ITPRID1: variants seen among roughly 807,000 people sequenced by gnomAD.
The protein encoded by ITPRID1 is protein ITPRID1.
Under a neutral mutation model 95.4 loss-of-function variants are expected in ITPRID1, and 96 were observed. The ratio of observed to expected loss-of-function variants is 1.01; its 90% CI spans 0.85 to 1.19. The LOEUF is 1.19. Ranked by LOEUF, ITPRID1 falls within the 50% of genes most tolerant of loss-of-function variation. ITPRID1 has a pLI of 0.00. For synonymous variants in ITPRID1, 510 were observed against 453.6 expected (o/e 1.12, Z -1.58); for missense variants, 1,339 against 1,252.9 (o/e 1.07, Z -1.04).
chr7:31,516,283 T>G (rs1783038241), intron 1 of ITPRID1, among the ~76,000 whole-genome samples: 1 of 152,202 alleles, frequency 6.6e-6, no homozygotes, highest in Non-Finnish European at 1.5e-5. Flanking sequence ...TGCATGTGTA[T>G]GTATGTATGT....
intron 10 of ITPRID1, among the ~76,000 whole-genome samples, chr7:31,615,693 C>T (rs1787138495): frequency 6.9e-6 from 1 of 143,988 alleles, no homozygotes; most frequent in African/African-American, 2.6e-5. Context: ...TTACTAATAA[C>T]ATACTAAGTG....
chr7:31,617,669 A>ATACTC (rs1389504690), intron 10 of ITPRID1, among the ~76,000 whole-genome samples: 3 of 151,954 alleles, frequency 2.0e-5, no homozygotes, highest in African/African-American at 7.2e-5. Context: ...AAAACCCACG[A>ATACTC]TACTCTTGTC....
chr7:31,642,866 T>G lies in ITPRID1; in HGVS notation c.1496T>G (p.Val499Gly). ...EANALEQRAS[V>G]SVMEEEFLLE... ...AATGCCTTGGAACAAAGGGCCTCAG[T>G]ATCTGTGATGGAGGAAGAGTTTCTG... Residue 499 changes from valine (V) to glycine (G), a missense_variant, in exon 12 of 15, where the codon GTA becomes GGA. Transcript: ENST00000615280. 1 of 1,614,032 alleles carries G rather than the reference T, an allele frequency of 6.2e-7. No homozygotes were observed. Among genetic ancestry groups the G allele is most frequent in the Non-Finnish European group, 8.5e-7 (1 of 1,179,898 alleles).
At chr7:31,540,790 T>C (rs143474862) in intron 1 of ITPRID1, among the ~76,000 whole-genome samples, 2 of 152,196 alleles carry the variant, frequency 1.3e-5, no homozygotes, top group South Asian at 2.1e-4. Context: ...CAAGATAACT[T>C]TGGGTTCCCG....
rs2128221332 is a variant in ITPRID1 at position 31,652,936 on chromosome 7, A to G, written c.*107A>G. On this transcript the variant is annotated 3_prime_UTR_variant, in exon 15 of 15. Coordinates refer to ENST00000615280, the MANE Select transcript of ITPRID1 (RefSeq NM_001257967.3). ...GAGAAGGGTCTGCCAACCCATTGTC[A>G]GCTATATCTCTCATATTCTACCCTT... is the stretch of plus-strand genomic sequence containing the variant. 1.3e-6 allele frequency: 2 copies of G among 1,511,512 alleles called. No homozygotes were observed. Among genetic ancestry groups the G allele is most frequent in the Middle Eastern group, 1.9e-4 (1 of 5,284 alleles). 93.6% of individuals were successfully genotyped at this position (1,511,512 alleles called of 1,614,324 possible).
rs1249893613 is a variant in ITPRID1 at position 31,654,861 on chromosome 7, A to G, written c.*2032A>G. On this transcript the variant is annotated 3_prime_UTR_variant, in exon 15 of 15. Coordinates refer to ENST00000615280, the MANE Select transcript of ITPRID1 (RefSeq NM_001257967.3). Reference sequence around the variant, plus strand: ...TTGAAACCACCCACTACTCAAAACCATCTCACATCTTGCTTGCACTCTTCC... The same window carrying G: ...TTGAAACCACCCACTACTCAAAACCGTCTCACATCTTGCTTGCACTCTTCC... Among the ~76,000 whole-genome samples, 1 of 152,140 alleles carries G rather than the reference A, an allele frequency of 6.6e-6. No individual in the cohort carries two copies. The highest frequency in any genetic ancestry group is 1.9e-4 in the East Asian group (1 of 5,188).
At chr7:31,548,533 G>A (rs1003695029) in intron 1 of ITPRID1, among the ~76,000 whole-genome samples, 2 of 152,180 alleles carry the variant, frequency 1.3e-5, no homozygotes, top group African/African-American at 2.4e-5. Flanking sequence ...ATTCAGTGAA[G>A]AGGTTAGAAT....
rs959919120 is a variant in ITPRID1, at chr7:31,641,963, T to A, written c.1229-213T>A. 2.7e-4 allele frequency among the ~76,000 whole-genome samples: 41 copies of A among 152,182 alleles called. 1 individual carries two copies. The highest frequency in any genetic ancestry group is 3.4e-4 in the Non-Finnish European group (23 of 68,028). On this transcript the variant is annotated intron_variant, in intron 10 of 14. Coordinates refer to ENST00000615280, the MANE Select transcript of ITPRID1 (RefSeq NM_001257967.3). ...TCTCTTCCTTCGTTTCAGGTTTTAT[T>A]CTTTGTATCAGGAAACCAGTGATGC...
intron 10 of ITPRID1, among the ~76,000 whole-genome samples, chr7:31,631,175 G>A (rs556441959): frequency 7.1e-4 from 108 of 152,128 alleles, no homozygotes; most frequent in African/African-American, 2.3e-3. Flanking sequence ...TCCAAACTGC[G>A]GAAGAGCAGA....
At chr7:31,639,429 A>G (rs1257963998) in intron 10 of ITPRID1, among the ~76,000 whole-genome samples, 2 of 52,210 alleles carry the variant, frequency 3.8e-5, no homozygotes, top group East Asian at 6.3e-4. Flanking sequence ...CTAGACATTC[A>G]ATTTGGGTTT....
chr7:31,658,507 A>T (rs188142862), downstream of ITPRID1: 139 of 898,948 alleles, frequency 1.5e-4, 1 homozygote, highest in East Asian at 3.4e-3. Context: ...GAGAAGAAAA[A>T]GTTTTAGAGT....
At chr7:31,572,259 A>G (rs1785019331) in intron 7 of ITPRID1, 71 bp downstream of exon 7, 1 of 946,632 alleles carries the variant, frequency 1.1e-6, no homozygotes, top group Non-Finnish European at 1.6e-6. Flanking sequence ...TGAAATTATA[A>G]ATAGGCACTT....
chr7:31,547,510 C>T (rs1784138154), intron 1 of ITPRID1, among the ~76,000 whole-genome samples: 2 of 144,262 alleles, frequency 1.4e-5, no homozygotes, highest in African/African-American at 2.5e-5. Context: ...CACTCACTAT[C>T]ACAAGAACAG....
chr7:31,628,968 G>C (rs1314356537), intron 10 of ITPRID1, among the ~76,000 whole-genome samples: 1 of 152,084 alleles, frequency 6.6e-6, no homozygotes, highest in East Asian at 1.9e-4. Context: ...ATTTGGACTG[G>C]TTATCACTAG....
Position 31,642,795 on chromosome 7 carries a change from A to G in ITPRID1, c.1425A>G (p.Pro475=). 1 of 1,614,036 alleles carries G rather than the reference A, an allele frequency of 6.2e-7. No homozygotes were observed. ...ACTGTCAGCTAGAGTCGGATGGGCC[A>G]GATTCCAAAAGTAGGGCGAGCATGT... ...SQDCQLESDG[P]DSKSRASMSF... Residue 475 remains proline (P), a synonymous_variant, in exon 12 of 15, where the codon CCA becomes CCG. Coordinates refer to ENST00000615280, the MANE Select transcript of ITPRID1 (RefSeq NM_001257967.3).
intron 10 of ITPRID1, among the ~76,000 whole-genome samples, chr7:31,622,559 C>G (rs38352): frequency 6.0e-5 from 9 of 151,180 alleles, no homozygotes; most frequent in African/African-American, 2.2e-4. Context: ...TTGAAACCAA[C>G]GAGAATAAAG....
intron 1 of ITPRID1, among the ~76,000 whole-genome samples, chr7:31,520,017 T>G (rs1783191491): frequency 6.6e-6 from 1 of 152,032 alleles, no homozygotes; most frequent in Admixed American, 6.6e-5. Context: ...AGTTGGTACA[T>G]CTCCTTAGGC....
At chr7:31,522,500 T>G (rs217164) in intron 1 of ITPRID1, among the ~76,000 whole-genome samples, 63,547 of 152,092 alleles carry the variant, frequency 0.42, 14,365 homozygotes, top group East Asian at 0.61. Context: ...AAGCCACACT[T>G]TTGTTTCAAT....
At chr7:31,630,145 G>T (rs866807340) in intron 10 of ITPRID1, among the ~76,000 whole-genome samples, 5 of 140,948 alleles carry the variant, frequency 3.5e-5, no homozygotes, top group Admixed American at 1.5e-4. Flanking sequence ...TTGAATTTTT[G>T]ATGTTACTAC....
Sources: allele counts gnomAD v4.1 joint callset (sites outside exome capture counted in the v4.1 genomes callset), GRCh38; gene constraint gnomAD v4.1.1; transcripts MANE v1.5; gene names NCBI Gene and HGNC (gene_info 2026-07-23, HGNC 2026-07-21).